Variants in VTCN1 observed in about 807,000 individuals in gnomAD.
VTCN1 encodes the protein V-set domain containing T cell activation inhibitor 1.
A neutral mutation model predicts 26.5 loss-of-function variants in VTCN1; 26 were observed. The ratio of observed to expected loss-of-function variants is 0.98; its 90% CI spans 0.72 to 1.36. The LOEUF is 1.36. Among genes scored for constraint, VTCN1 ranks in the 40% most tolerant of loss-of-function variants. The pLI is 0.00. For missense variants in VTCN1, 298 were observed against 337.7 expected, an observed-to-expected ratio of 0.88 and a Z score of 0.92; for synonymous variants, 116 against 130.7, an observed-to-expected ratio of 0.89 and a Z score of 0.77.
rs1652252469 is a variant in VTCN1 at position 117,159,342 on chromosome 1, G to A, written c.98-2421C>T. Among the ~76,000 whole-genome samples the A allele has an allele frequency of 1.3e-5, 2 of 152,190 alleles. No individual in the cohort carries two copies. Among genetic ancestry groups the A allele is most frequent in the Admixed American group, 1.3e-4 (2 of 15,276 alleles). On this transcript the variant is annotated intron_variant, in intron 2 of 5. Transcript: ENST00000369458. The surrounding 1 kb of genome is among the most constrained non-coding windows in gnomAD (Gnocchi z 4.7). The stretch of plus-strand genomic sequence containing the variant: ...GGGAGGTGAAAGGCACTTCTTACAT[G>A]GCAGTGGCAAGAGAAAATGAGAAAG...
rs554142242 is a variant in VTCN1 at position 117,167,210 on chromosome 1, G to C, written c.97+2897C>G. ...ACAAATGTTTTTGTATGTCTGTACT[G>C]AAGTATACAAACATAAAAATCCACA... On this transcript the variant is annotated intron_variant, in intron 2 of 5. Transcript: ENST00000369458. The surrounding 1 kb of genome is among the most constrained non-coding windows in gnomAD (Gnocchi z 4.1). 4.6e-5 allele frequency among the ~76,000 whole-genome samples: 7 copies of C among 151,490 alleles called. No homozygotes were observed. Among genetic ancestry groups the C allele is most frequent in the Middle Eastern group, 3.4e-3 (1 of 294 alleles).
At chr1:117,194,392 G>C (rs1648403422) in intron 1 of VTCN1, among the ~76,000 whole-genome samples, 1 of 152,122 alleles carries the variant, frequency 6.6e-6, no homozygotes, top group South Asian at 2.1e-4. Context: ...CGGATGCAGA[G>C]AAAAAGGAAC....
rs1367591565 is a variant in VTCN1 at position 117,167,234 on chromosome 1, C to T, written c.97+2873G>A. On this transcript the variant is annotated intron_variant, in intron 2 of 5. Transcript: ENST00000369458. The surrounding 1 kb of genome is among the most constrained non-coding windows in gnomAD (Gnocchi z 4.1). ...TGAAGTATACAAACATAAAAATCCA[C>T]ACATCATAACTGTACAGCTTGAAGA... 3.9e-5 allele frequency among the ~76,000 whole-genome samples: 6 copies of T among 152,024 alleles called. No individual in the cohort carries two copies. Among genetic ancestry groups the T allele is most frequent in the Middle Eastern group, 3.4e-3 (1 of 294 alleles).
chr1:117,181,705 G>T (rs749712998), intron 1 of VTCN1, among the ~76,000 whole-genome samples: 1 of 152,218 alleles, frequency 6.6e-6, no homozygotes, highest in Non-Finnish European at 1.5e-5. Context: ...AAGTGCTTGA[G>T]TGGCACTAAG....
At chr1:117,187,172 G>GT (rs1647983357) in intron 1 of VTCN1, among the ~76,000 whole-genome samples, 1 of 151,978 alleles carries the variant, frequency 6.6e-6, no homozygotes, top group South Asian at 2.1e-4. Context: ...TTAGTTAGGT[G>GT]TGGTGGTGCG....
chr1:117,208,089 G>C (rs559717725), intron 1 of VTCN1, among the ~76,000 whole-genome samples: 1 of 152,274 alleles, frequency 6.6e-6, no homozygotes, highest in South Asian at 2.1e-4. Flanking sequence ...TGCCTGTAAG[G>C]GCTCCTCATC....
At position 117,169,443 on chromosome 1, in the gene VTCN1, C is replaced by G. The variant is rs897850842; in HGVS notation, c.97+664G>C. Among the ~76,000 whole-genome samples, 5 of 152,172 alleles carry G rather than the reference C, an allele frequency of 3.3e-5. No individual in the cohort carries two copies. Among genetic ancestry groups the G allele is most frequent in the African/African-American group, 1.2e-4 (5 of 41,426 alleles). ...GCTTCGTTGCAAAGAAATCATCTACCCAGGCCAACCGCTGACAGAATGGCT... is the reference window on the plus strand; with the variant it reads ...GCTTCGTTGCAAAGAAATCATCTACGCAGGCCAACCGCTGACAGAATGGCT... On this transcript the variant is annotated intron_variant, in intron 2 of 5. Transcript: ENST00000369458. The surrounding 1 kb of genome is among the most constrained non-coding windows in gnomAD (Gnocchi z 4.0).
rs534389363 is a variant in VTCN1 at position 117,155,737 on chromosome 1, A to G, written c.445+837T>C. Among the ~76,000 whole-genome samples, 1 of 152,244 alleles carries G rather than the reference A, an allele frequency of 6.6e-6. No individual in the cohort carries two copies. Among genetic ancestry groups the G allele is most frequent in the South Asian group, 2.1e-4 (1 of 4,822 alleles). On this transcript the variant is annotated intron_variant, in intron 3 of 5. Transcript: ENST00000369458. The surrounding 1 kb of genome is among the most constrained non-coding windows in gnomAD (Gnocchi z 4.8). ...TGAGGTGTGCAAGAAAGACCTGTGC[A>G]TACTAGTTTAGGCTGGAAAGGCCCG... is the stretch of plus-strand genomic sequence containing the variant.
chr1:117,201,425 A>G (rs1648781840), intron 1 of VTCN1, among the ~76,000 whole-genome samples: 1 of 152,182 alleles, frequency 6.6e-6, no homozygotes. Context: ...CTTTCTCTCC[A>G]GGGCTCTGTG....
At chr1:117,177,288 G>A (rs916991788) in intron 1 of VTCN1, among the ~76,000 whole-genome samples, 1 of 152,202 alleles carries the variant, frequency 6.6e-6, no homozygotes. Context: ...TCAGGTTTCT[G>A]AGAAGCTTAG....
At chr1:117,194,280 C>T (rs1306575725) in intron 1 of VTCN1, among the ~76,000 whole-genome samples, 1 of 152,066 alleles carries the variant, frequency 6.6e-6, no homozygotes, top group Non-Finnish European at 1.5e-5. Context: ...TGGTCAACAT[C>T]ACTAATCATC....
chr1:117,188,525 A>C (rs1648077367), intron 1 of VTCN1, among the ~76,000 whole-genome samples: 1 of 152,224 alleles, frequency 6.6e-6, no homozygotes, highest in South Asian at 2.1e-4. Context: ...GTGCACTTTA[A>C]AAGGTCAGAT....
At chr1:117,193,036 ACAAC>A (rs1648322854) in intron 1 of VTCN1, among the ~76,000 whole-genome samples, 1 of 152,198 alleles carries the variant, frequency 6.6e-6, no homozygotes, top group Non-Finnish European at 1.5e-5. Flanking sequence ...ATACAGCATA[ACAAC>A]TATTTACATA....
chr1:117,170,251 G>C (rs1652834985), intron 1 of VTCN1, 80 bp from the exon 2 acceptor site: 1 of 1,334,544 alleles, frequency 7.5e-7, no homozygotes, highest in Non-Finnish European at 1.1e-6. Context: ...GTACAAATCT[G>C]TTGTGGATAA....
At chr1:117,157,786 T>C (rs951090953) in intron 2 of VTCN1, among the ~76,000 whole-genome samples, 6 of 152,190 alleles carry the variant, frequency 3.9e-5, no homozygotes, top group Non-Finnish European at 7.4e-5. Context: ...AAGTCACATC[T>C]GAGGCAAGGC....
chr1:117,154,098 G>A (rs1334678482), intron 3 of VTCN1, among the ~76,000 whole-genome samples: 2 of 152,150 alleles, frequency 1.3e-5, no homozygotes. Context: ...TCCTTTACCT[G>A]GGACTGAGCT....
chr1:117,193,975 G>A (rs192859421), intron 1 of VTCN1, among the ~76,000 whole-genome samples: 1 of 152,202 alleles, frequency 6.6e-6, no homozygotes, highest in East Asian at 1.9e-4. Context: ...TGACTTTTTG[G>A]ATATGACACC....
At chr1:117,201,024 G>C (rs1026235109) in intron 1 of VTCN1, among the ~76,000 whole-genome samples, 2 of 152,060 alleles carry the variant, frequency 1.3e-5, no homozygotes, top group Non-Finnish European at 2.9e-5. Flanking sequence ...GAAGTGATCT[G>C]CCCCCCTTGG....
intron 1 of VTCN1, among the ~76,000 whole-genome samples, chr1:117,194,853 T>C (rs1040888719): frequency 1.3e-5 from 2 of 152,236 alleles, no homozygotes; most frequent in African/African-American, 4.8e-5. Flanking sequence ...GAATGATGGT[T>C]GCCAGGGGAT....
Sources: allele counts gnomAD v4.1 joint callset (sites outside exome capture counted in the v4.1 genomes callset), GRCh38; gene constraint gnomAD v4.1.1; non-coding constraint Gnocchi (gnomAD v3.1); transcripts MANE v1.5; gene names NCBI Gene and HGNC (gene_info 2026-07-23, HGNC 2026-07-21).